Variants in NRXN3 observed in about 807,000 individuals in gnomAD.
NRXN3 encodes the protein neurexin III.
In NRXN3, 32 loss-of-function variants were observed where a neutral mutation model predicts 137.6. The observed-to-expected ratio is 0.23, with a 90% CI of 0.18 to 0.31. The LOEUF is 0.31. Among genes scored for constraint, NRXN3 ranks in the 10% least tolerant of loss-of-function variants. The probability of loss-of-function intolerance (pLI) is 1.00; values close to 1 mark genes in which losing one functional copy is unlikely to be tolerated. For synonymous variants in NRXN3, 798 were observed against 784.5 expected (o/e 1.02, Z -0.29); for missense variants, 1,574 against 2,062.5 (o/e 0.76, Z 4.59).
intron 2 of NRXN3, among the ~76,000 whole-genome samples, chr14:78,245,378 C>G (rs1279115015): frequency 6.6e-6 from 1 of 152,156 alleles, no homozygotes; most frequent in Admixed American, 6.5e-5. Context: ...TGTGCACAAT[C>G]AAGGTTAAGG....
At chr14:78,391,369 C>CT (rs146705273) in intron 4 of NRXN3, among the ~76,000 whole-genome samples, 7,626 of 152,110 alleles carry the variant, frequency 0.05, 215 homozygotes, top group African/African-American at 0.077. Context: ...CCTTCATGAC[C>CT]TTTTTTGTGG....
At chr14:78,829,156 T>G (rs2098975042) in intron 10 of NRXN3, among the ~76,000 whole-genome samples, 1 of 152,184 alleles carries the variant, frequency 6.6e-6, no homozygotes, top group Non-Finnish European at 1.5e-5. Context: ...TATCTTGAAC[T>G]GTCCCCATTA....
intron 15 of NRXN3, among the ~76,000 whole-genome samples, chr14:79,384,254 G>C (rs1052623176): frequency 1.3e-5 from 2 of 152,136 alleles, no homozygotes; most frequent in African/African-American, 2.4e-5. Flanking sequence ...TGGAGAGGGA[G>C]GTGGGGGAAG....
At chr14:79,084,850 A>C (rs1049017163) in intron 15 of NRXN3, among the ~76,000 whole-genome samples, 8 of 152,102 alleles carry the variant, frequency 5.3e-5, no homozygotes, top group African/African-American at 1.9e-4. Context: ...CCCTTGTGGC[A>C]TTTTCTACTG....
At chr14:78,557,013 TCTCTCCTCCCCTCCCCTTCC>T (rs1305588962) in intron 4 of NRXN3, among the ~76,000 whole-genome samples, 4 of 112,908 alleles carry the variant, frequency 3.5e-5, no homozygotes, top group Admixed American at 1.8e-4. Context: ...TTCTCTTCCC[TCTCTCCTCCCCTCCCCTTCC>T]CTCTCCTCCC....
chr14:78,823,187 T>A (rs1401330452), intron 10 of NRXN3, among the ~76,000 whole-genome samples: 1 of 152,232 alleles, frequency 6.6e-6, no homozygotes, highest in Non-Finnish European at 1.5e-5. Context: ...TGTTTATTAC[T>A]GATGAATCAC....
intron 4 of NRXN3, chr14:78,614,945 A>G (rs1178086423): frequency 2.2e-6 from 1 of 456,630 alleles, no homozygotes; most frequent in South Asian, 1.5e-5. Flanking sequence ...TTCAGTGCCC[A>G]GTTTTCTGCC....
At chr14:78,879,775 G>T (rs2099123273) in intron 10 of NRXN3, among the ~76,000 whole-genome samples, 1 of 152,034 alleles carries the variant, frequency 6.6e-6, no homozygotes, top group Non-Finnish European at 1.5e-5. Flanking sequence ...ATGACTGGAG[G>T]GTGTTTATGA....
chr14:78,917,030 T>C (rs1360880691), intron 10 of NRXN3, among the ~76,000 whole-genome samples: 1 of 152,192 alleles, frequency 6.6e-6, no homozygotes, highest in African/African-American at 2.4e-5. Context: ...GAATTACTTC[T>C]TAAAGACCCT....
chr14:78,405,668 C>T (rs564520897), intron 4 of NRXN3, among the ~76,000 whole-genome samples: 55 of 151,956 alleles, frequency 3.6e-4, no homozygotes, highest in East Asian at 1.7e-3. Context: ...GGGAGCCTGG[C>T]GGGGAGCCAA....
Position 79,242,903 on chromosome 14 carries a change from G to T in NRXN3, c.3263-224318G>T, listed in dbSNP as rs191870836. Among the ~76,000 whole-genome samples the T allele has an allele frequency of 1.3e-3, 194 of 152,278 alleles. 1 individual carries two copies. The highest frequency in any genetic ancestry group is 4.1e-3 in the South Asian group (20 of 4,824). On this transcript the variant is annotated intron_variant, in intron 15 of 20. Transcript: ENST00000335750. Reference sequence around the variant, plus strand: ...AGTGTATCATGCCAACAGTACATCTGCTGCTGGCAATTATGCTACTAACAT... The same window carrying T: ...AGTGTATCATGCCAACAGTACATCTTCTGCTGGCAATTATGCTACTAACAT...
At chr14:78,219,389 A>G (rs1210786193) in intron 1 of NRXN3, among the ~76,000 whole-genome samples, 5 of 152,206 alleles carry the variant, frequency 3.3e-5, no homozygotes, top group Admixed American at 6.5e-5. Context: ...CCAAAAGGCC[A>G]CTGTTGAGAA....
At chr14:78,334,264 T>C (rs1397109813) in intron 4 of NRXN3, among the ~76,000 whole-genome samples, 1 of 152,150 alleles carries the variant, frequency 6.6e-6, no homozygotes, top group Non-Finnish European at 1.5e-5. Flanking sequence ...GCTGGAGATA[T>C]ACACTTGAGG....
chr14:79,546,815 T>G (rs1457878439), intron 16 of NRXN3, among the ~76,000 whole-genome samples: 1 of 152,182 alleles, frequency 6.6e-6, no homozygotes, highest in Non-Finnish European at 1.5e-5. Context: ...TGACAGGTTG[T>G]GTGTTTATTA....
intron 15 of NRXN3, among the ~76,000 whole-genome samples, chr14:79,081,198 G>A (rs2046921008): frequency 6.6e-6 from 1 of 152,202 alleles, no homozygotes; most frequent in African/African-American, 2.4e-5. Flanking sequence ...GTTAGCAAGT[G>A]TAGGTGCACA....
chr14:78,412,092 AG>A (rs530462104), intron 4 of NRXN3, among the ~76,000 whole-genome samples: 12 of 152,344 alleles, frequency 7.9e-5, no homozygotes, highest in Middle Eastern at 3.4e-3. Context: ...TAAGATGTTC[AG>A]CACAGTGTAG....
At position 79,835,988 on chromosome 14, in the gene NRXN3, T is replaced by C. The variant is rs1342379835; in HGVS notation, c.4094-25354T>C. On this transcript the variant is annotated intron_variant, in intron 20 of 20. Coordinates refer to ENST00000335750, the MANE Select transcript of NRXN3 (RefSeq NM_001330195.2). The stretch of plus-strand genomic sequence containing the variant: ...AATAGCCTCACTTATCTGTGGATTG[T>C]TATTGTAATCTACATAGTAAGTTTC... Among the ~76,000 whole-genome samples the C allele has an allele frequency of 2.6e-5, 4 of 152,276 alleles. 1 individual carries two copies. The Middle Eastern group carries it at 0.01, about 388-fold the overall frequency.
chr14:79,712,790 G>A (rs1011536833), intron 19 of NRXN3, among the ~76,000 whole-genome samples: 2 of 152,098 alleles, frequency 1.3e-5, no homozygotes, highest in African/African-American at 4.8e-5. Context: ...TCTGGGCTGG[G>A]CGCTCGCTGA....
In NRXN3 at chr14:79,166,918, C is replaced by T. The variant is rs2061337039; in HGVS notation, c.3262+178777C>T. On this transcript the variant is annotated intron_variant, in intron 15 of 20. Transcript: ENST00000335750. ...TAAAGTGCCTGGCACACAGTAGGTG[C>T]TCAGAAAACATTGATTTCTTTTAAT... is the stretch of plus-strand genomic sequence containing the variant. Among the ~76,000 whole-genome samples the T allele has an allele frequency of 2.0e-5, 3 of 151,918 alleles. No homozygotes were observed. The South Asian group carries it at 6.2e-4, about 32-fold the overall frequency.
Sources: gnomAD v4.1 joint callset for allele counts (sites outside exome capture counted in the v4.1 genomes callset) on GRCh38, gnomAD v4.1.1 for gene constraint, MANE v1.5 for transcripts, NCBI Gene and HGNC (gene_info 2026-07-23, HGNC 2026-07-21) for gene names.